NFKB1: variants seen among roughly 807,000 people sequenced by gnomAD.
The protein encoded by NFKB1 is nuclear factor NF-kappa-B p105 subunit.
Under a neutral mutation model 105.1 loss-of-function variants are expected in NFKB1, and 9 were observed. The ratio of observed to expected loss-of-function variants is 0.09; its 90% CI spans 0.05 to 0.15. NFKB1 has a LOEUF of 0.15. Ranked by LOEUF, NFKB1 falls within the 10% of genes least tolerant of loss-of-function variation. The pLI is 1.00. For synonymous variants in NFKB1, 440 were observed against 442.2 expected, an observed-to-expected ratio of 1.00 and a Z score of 0.06; for missense variants, 830 against 1,203.7, an observed-to-expected ratio of 0.69 and a Z score of 4.59.
chr4:102,579,658 T>A (rs1725167813), intron 8 of NFKB1, among the ~76,000 whole-genome samples: 1 of 146,728 alleles, frequency 6.8e-6, no homozygotes, highest in Non-Finnish European at 1.5e-5. Flanking sequence ...TATATATATA[T>A]ATATATGTAT....
intron 5 of NFKB1, among the ~76,000 whole-genome samples, chr4:102,544,442 C>T (rs1388319535): frequency 6.6e-6 from 1 of 152,102 alleles, no homozygotes; most frequent in Admixed American, 6.6e-5. Flanking sequence ...CTTTTTCTTT[C>T]TTGCTCTTCC....
chr4:102,526,757 CATT>C (rs1740938781), intron 2 of NFKB1, among the ~76,000 whole-genome samples: 1 of 152,118 alleles, frequency 6.6e-6, no homozygotes, highest in African/African-American at 2.4e-5. Flanking sequence ...CTGTTCCTAT[CATT>C]ATATTAGTAG....
At position 102,525,565 on chromosome 4, in the gene NFKB1, T is replaced by C. The variant is rs780106936; in HGVS notation, c.39+8T>C. ...TTGGGAAGGCCTGAACAAGTAAGTGTCATAATCTCACTGATAACTTTATTT... is the reference window on the plus strand; with the variant it reads ...TTGGGAAGGCCTGAACAAGTAAGTGCCATAATCTCACTGATAACTTTATTT... On this transcript the variant is annotated splice_region_variant and intron_variant, in intron 2 of 23. Coordinates refer to ENST00000226574, the MANE Select transcript of NFKB1 (RefSeq NM_003998.4). 1.8e-5 allele frequency: 29 copies of C among 1,607,226 alleles called. No homozygotes were observed. In the East Asian group the frequency reaches 6.5e-4, roughly 36 times the overall value.
intron 5 of NFKB1, among the ~76,000 whole-genome samples, chr4:102,540,914 C>G (rs1741958925): frequency 6.6e-6 from 1 of 152,088 alleles, no homozygotes; most frequent in Admixed American, 6.6e-5. Flanking sequence ...AAAAATTGTT[C>G]TCCATGCATC....
At chr4:102,508,646 T>C (rs1014884950) in intron 1 of NFKB1, among the ~76,000 whole-genome samples, 3 of 152,172 alleles carry the variant, frequency 2.0e-5, no homozygotes, top group Admixed American at 1.3e-4. Context: ...ACCCTATTCA[T>C]TTAATGCATT....
intron 2 of NFKB1, among the ~76,000 whole-genome samples, chr4:102,527,898 T>G (rs1741027883): frequency 6.6e-6 from 1 of 152,082 alleles, no homozygotes; most frequent in Non-Finnish European, 1.5e-5. Context: ...CTGAAAACAT[T>G]CATTTTGAAA....
intron 10 of NFKB1, among the ~76,000 whole-genome samples, chr4:102,584,310 T>C (rs1725545657): frequency 6.6e-6 from 1 of 152,202 alleles, no homozygotes; most frequent in African/African-American, 2.4e-5. Flanking sequence ...ATACCCAGTC[T>C]TTCTGATGTT....
chr4:102,558,777 A>C (rs1407901543), intron 5 of NFKB1, among the ~76,000 whole-genome samples: 1 of 152,132 alleles, frequency 6.6e-6, no homozygotes, highest in East Asian at 1.9e-4. Context: ...CAGTCTCCCA[A>C]GTAGCCGGAA....
intron 11 of NFKB1, among the ~76,000 whole-genome samples, chr4:102,592,239 A>G (rs751130738): frequency 6.6e-6 from 1 of 152,268 alleles, no homozygotes; most frequent in Non-Finnish European, 1.5e-5. Context: ...AGAATATTCC[A>G]TAAACTTAGT....
At chr4:102,547,698 G>A (rs1394227282) in intron 5 of NFKB1, among the ~76,000 whole-genome samples, 1 of 152,128 alleles carries the variant, frequency 6.6e-6, no homozygotes, top group African/African-American at 2.4e-5. Context: ...CAAATATTGA[G>A]TGGCAGCTTT....
At chr4:102,508,468 C>G (rs1225402225) in intron 1 of NFKB1, among the ~76,000 whole-genome samples, 1 of 151,988 alleles carries the variant, frequency 6.6e-6, no homozygotes, top group African/African-American at 2.4e-5. Flanking sequence ...CTTAAATCAG[C>G]AATTGATTTA....
At chr4:102,522,067 G>T (rs1323115619) in intron 1 of NFKB1, among the ~76,000 whole-genome samples, 1 of 152,160 alleles carries the variant, frequency 6.6e-6, no homozygotes, top group East Asian at 1.9e-4. Context: ...CAAAAGCAAA[G>T]AATTGAACAA....
At chr4:102,519,323 TATATATA>T (rs1159035247) in intron 1 of NFKB1, among the ~76,000 whole-genome samples, 1 of 145,466 alleles carries the variant, frequency 6.9e-6, no homozygotes, top group African/African-American at 2.5e-5. Flanking sequence ...ATTTATATGT[TATATATA>T]AAGTATATAT....
chr4:102,545,717 C>T (rs147847562), intron 5 of NFKB1, among the ~76,000 whole-genome samples: 6 of 152,164 alleles, frequency 3.9e-5, no homozygotes, highest in African/African-American at 1.2e-4. Context: ...ACCACAGAGA[C>T]GCCTGGGAAC....
At chr4:102,505,424 A>G (rs1739358263) in intron 1 of NFKB1, among the ~76,000 whole-genome samples, 1 of 152,256 alleles carries the variant, frequency 6.6e-6, no homozygotes, top group African/African-American at 2.4e-5. Context: ...ATTATCAGTA[A>G]TACAAATTTC....
At chr4:102,564,407 C>T (rs991724379) in intron 5 of NFKB1, among the ~76,000 whole-genome samples, 36 of 152,316 alleles carry the variant, frequency 2.4e-4, no homozygotes, top group South Asian at 6.2e-4. Flanking sequence ...ACTGTCTTCT[C>T]ACACTTCAGC....
chr4:102,607,043 A>G (rs961094602), intron 17 of NFKB1, 107 bp from the exon 18 acceptor site: 1 of 1,071,848 alleles, frequency 9.3e-7, no homozygotes, highest in Admixed American at 1.7e-5. Flanking sequence ...TAGTATCTTT[A>G]CTGTCCCTCC....
chr4:102,523,785 A>G (rs866650855), intron 1 of NFKB1, among the ~76,000 whole-genome samples: 2 of 152,108 alleles, frequency 1.3e-5, no homozygotes, highest in South Asian at 4.1e-4. Flanking sequence ...TTTATGGAGG[A>G]AGCATGTCAA....
At chr4:102,528,660 T>A (rs1741084638) in intron 2 of NFKB1, among the ~76,000 whole-genome samples, 1 of 152,204 alleles carries the variant, frequency 6.6e-6, no homozygotes, top group Non-Finnish European at 1.5e-5. Context: ...ACATATAACT[T>A]CTTTAGGCTA....
Sources: gnomAD v4.1 joint callset for allele counts (sites outside exome capture counted in the v4.1 genomes callset) on GRCh38, gnomAD v4.1.1 for gene constraint, MANE v1.5 for transcripts, NCBI Gene and HGNC (gene_info 2026-07-23, HGNC 2026-07-21) for gene names.